The following PPM1M variants were observed in gnomAD, a reference collection of about 807,000 sequenced individuals.
The protein encoded by PPM1M is protein phosphatase 1M.
PPM1M carries 44 observed loss-of-function variants against 50.8 expected under a neutral mutation model. That is an observed-to-expected ratio of 0.87 (90% CI 0.68 to 1.11). PPM1M has a LOEUF of 1.11. PPM1M is among the 50% of genes most tolerant of loss of function. The probability of loss-of-function intolerance (pLI) is 0.00; values close to 1 mark genes in which losing one functional copy is unlikely to be tolerated. For missense variants in PPM1M, 556 were observed against 593.4 expected, an observed-to-expected ratio of 0.94 and a Z score of 0.66; for synonymous variants, 224 against 242.9, an observed-to-expected ratio of 0.92 and a Z score of 0.72.
In PPM1M at chr3:52,249,700, C is replaced by T. The variant is rs1160336935; in HGVS notation, c.1266C>T (p.His422=). The T allele has an allele frequency of 6.2e-7, 1 of 1,613,938 alleles. No individual in the cohort carries two copies. The highest frequency in any genetic ancestry group is 8.5e-7 in the Non-Finnish European group (1 of 1,179,870). The change falls in exon 10 of 10, where the codon CAC becomes CAT. Residue 422 remains histidine (H), a synonymous_variant. Coordinates refer to ENST00000323588, the MANE Select transcript of PPM1M (RefSeq NM_144641.4). Reference sequence around the variant, plus strand: ...CAAAGCTGGCCCAGATGCTGATACACAGCACACAGGGAAAGGAAGACAGTC... The same window carrying T: ...CAAAGCTGGCCCAGATGCTGATACATAGCACACAGGGAAAGGAAGACAGTC... ...RFSKLAQMLI[H]STQGKEDSLT...
rs1485938760 is a variant in PPM1M, at chr3:52,246,976, C to T, written c.345C>T (p.Phe115=). 1 of 1,539,918 alleles carries T rather than the reference C, an allele frequency of 6.5e-7. No homozygotes were observed. The highest frequency in any genetic ancestry group is 8.8e-7 in the Non-Finnish European group (1 of 1,141,656). The change falls in exon 3 of 10, where the codon TTC becomes TTT. Residue 115 remains phenylalanine, a splice_region_variant and synonymous_variant. Transcript: ENST00000323588. The part of the protein sequence containing the change: ...EEWLTLCPEE[F]LTGHYWALFD... ...GACACTGAGCCCTTCCTGTGCAGTTCCTGACAGGCCATTACTGGGCACTGT... is the reference window on the plus strand; with the variant it reads ...GACACTGAGCCCTTCCTGTGCAGTTTCTGACAGGCCATTACTGGGCACTGT...
rs761285714 is a variant in PPM1M at position 52,248,348 on chromosome 3, C to G, written c.809C>G (p.Pro270Arg). 6.2e-7 allele frequency: 1 copy of G among 1,612,706 alleles called. No individual in the cohort carries two copies. Among genetic ancestry groups the G allele is most frequent in the Admixed American group, 1.7e-5 (1 of 59,770 alleles). Residue 270 changes from proline (P) to arginine (R), a missense_variant, in exon 6 of 10, where the codon CCT becomes CGT. Transcript: ENST00000323588. ...TCCCCACCCCAGGCCTTTGTCTATC[C>G]TGAGCTTCTGGCTGGTGAGTTCACC... ...QRIQQLAFVY[P>R]ELLAGEFTRL...
intron 3 of PPM1M, 196 bp downstream of exon 3, chr3:52,247,424 T>C (rs993274952): frequency 1.2e-6 from 1 of 817,610 alleles, no homozygotes; most frequent in Non-Finnish European, 1.9e-6. Flanking sequence ...TACTGTGTGC[T>C]AACTGCTTTT....
rs1577999735 is a variant in PPM1M, at chr3:52,249,883, C to T, written c.*69C>T. 3 of 1,490,436 alleles carry T rather than the reference C, an allele frequency of 2.0e-6. No homozygotes were observed. Among genetic ancestry groups the T allele is most frequent in the Non-Finnish European group, 9.1e-7 (1 of 1,093,442 alleles). 92.3% of individuals were successfully genotyped at this position (1,490,436 alleles called of 1,614,324 possible). On this transcript the variant is annotated 3_prime_UTR_variant, in exon 10 of 10. Coordinates refer to ENST00000323588, the MANE Select transcript of PPM1M (RefSeq NM_144641.4). ...TGGTCTGGGCATCCCTCCAGTGTGA[C>T]CAAGAGCAAATCCTGCCTGCCCTAT...
At chr3:52,246,924 G>A (rs1419454581) in intron 2 of PPM1M, 50 bp from the exon 3 acceptor site, 2 of 1,522,742 alleles carry the variant, frequency 1.3e-6, no homozygotes, top group Non-Finnish European at 1.8e-6. Context: ...TGCGTCAGGG[G>A]ACAAGTGGGG....
At chr3:52,248,871 C>T (rs1265065786) in intron 7 of PPM1M, 85 bp from the exon 8 acceptor site, 2 of 1,264,852 alleles carry the variant, frequency 1.6e-6, no homozygotes, top group South Asian at 1.2e-5. Flanking sequence ...TCCACCTCTC[C>T]CTGTGTGCTC....
At chr3:52,249,478 G>A (rs1699925091) in intron 9 of PPM1M, 156 bp downstream of exon 9, 1 of 1,262,706 alleles carries the variant, frequency 7.9e-7, no homozygotes, top group Non-Finnish European at 1.1e-6. Flanking sequence ...GAGACCGTGG[G>A]TTCCGAAAAT....
rs1162142526 is a variant in PPM1M, at chr3:52,248,159, C to T, written c.717C>T (p.Ile239=). The T allele has an allele frequency of 1.2e-6, 2 of 1,611,604 alleles. No homozygotes were observed. Among genetic ancestry groups the T allele is most frequent in the Admixed American group, 1.7e-5 (1 of 59,742 alleles). ...CCTTCTCTCCTCAATCCAGGGCCAT[C>T]TTGGTGCGGAGAGATGAGATACGGC... The part of the protein sequence containing the change: ...YMANAGDSRA[I]LVRRDEIRPL... The change falls in exon 5 of 10, where the codon ATC becomes ATT. Residue 239 remains isoleucine, a synonymous_variant. Coordinates refer to ENST00000323588, the MANE Select transcript of PPM1M (RefSeq NM_144641.4).
Position 52,249,915 on chromosome 3 carries a change from C to A in PPM1M, c.*101C>A. ...CAAATCCTGCCTGCCCTATCCCTAG[C>A]CACCGCCCAGTGCTCTCACTATCCA... On this transcript the variant is annotated 3_prime_UTR_variant, in exon 10 of 10. Transcript: ENST00000323588. 9.1e-7 allele frequency: 1 copy of A among 1,101,010 alleles called. No homozygotes were observed. The highest frequency in any genetic ancestry group is 1.3e-6 in the Non-Finnish European group (1 of 761,386). 68.2% of individuals were successfully genotyped at this position (1,101,010 alleles called of 1,614,324 possible).
chr3:52,245,940 G>T lies in PPM1M; in HGVS notation c.116G>T (p.Gly39Val). The change falls in exon 1 of 10, where the codon GGC (glycine) becomes GTC (valine). Residue 39 changes from glycine (G) to valine (V), a missense_variant. Gly to Val is a moderately radical substitution (Grantham distance 109). Coordinates refer to ENST00000323588, the MANE Select transcript of PPM1M (RefSeq NM_144641.4). This position sits in a 1 kb window ranked among gnomAD's most constrained non-coding sequence, Gnocchi z 4.8. ...TACCGACGGCCCCGCTTCCTTCGCG[G>T]CTCCAGCTCCAGCCCCGGGGCGGCC... ...VPYRRPRFLRGSSSSPGAADA... is the reference protein window; with the variant it reads ...VPYRRPRFLRVSSSSPGAADA... 1 of 1,244,116 alleles carries T rather than the reference G, an allele frequency of 8.0e-7. No individual in the cohort carries two copies. The highest frequency in any genetic ancestry group is 1.0e-6 in the Non-Finnish European group (1 of 968,350). 77.1% of individuals were successfully genotyped at this position (1,244,116 alleles called of 1,614,324 possible). A position where few individuals can be genotyped will look rare whatever the true frequency, so the allele number is the denominator to read the frequency against.
At chr3:52,248,299 AAGG>A in intron 5 of PPM1M, 33 bp from the exon 6 acceptor site, 1 of 1,604,570 alleles carries the variant, frequency 6.2e-7, no homozygotes, top group Non-Finnish European at 8.5e-7. Flanking sequence ...GGGCCATAAG[AAGG>A]AGTATGACCT....
Position 52,247,748 on chromosome 3 carries a change from G to A in PPM1M, c.664G>A (p.Val222Met). The A allele has an allele frequency of 3.1e-6, 5 of 1,605,970 alleles. No homozygotes were observed. The highest frequency in any genetic ancestry group is 4.3e-6 in the Non-Finnish European group (5 of 1,176,162). ...QMGGCTALVA[V>M]SLQGKLYMAN... The stretch of plus-strand genomic sequence containing the variant: ...GGGCGGCTGCACAGCCCTGGTGGCT[G>A]TGTCCCTGCAGGGAAAGCTGTACAT... The change falls in exon 4 of 10, where the codon GTG (valine) becomes ATG (methionine). Residue 222 changes from valine (V) to methionine (M), a missense_variant. Val to Met is a conservative substitution (Grantham distance 21). Coordinates refer to ENST00000323588, the MANE Select transcript of PPM1M (RefSeq NM_144641.4).
In PPM1M at chr3:52,246,959, G is replaced by A. The variant is rs1278503265; in HGVS notation, c.343-15G>A. 2 of 1,532,182 alleles carry A rather than the reference G, an allele frequency of 1.3e-6. No individual in the cohort carries two copies. Among genetic ancestry groups the A allele is most frequent in the Non-Finnish European group, 1.8e-6 (2 of 1,136,910 alleles). The allele number at this position is 1,532,182 out of a possible 1,614,324, so 94.9% of individuals were successfully genotyped here. A position where few individuals can be genotyped will look rare whatever the true frequency, so the allele number is the denominator to read the frequency against. On this transcript the variant is annotated splice_polypyrimidine_tract_variant and intron_variant, in intron 2 of 9. Transcript: ENST00000323588. ...GAAGTCAGGCAGAGGCTGACACTGA[G>A]CCCTTCCTGTGCAGTTCCTGACAGG...
chr3:52,247,087 G>A lies in PPM1M; in HGVS notation c.456G>A (p.Val152=). The change falls in exon 3 of 10, where the codon GTG becomes GTA. Residue 152 remains valine, a synonymous_variant. Transcript: ENST00000323588. Reference sequence around the variant, plus strand: ...TGCGCCGGCAGCTGGAGGCCGTGGTGGAAGGCTTGGTGGCCACTCAGCCCC... The same window carrying A: ...TGCGCCGGCAGCTGGAGGCCGTGGTAGAAGGCTTGGTGGCCACTCAGCCCC... ...SCLRRQLEAV[V]EGLVATQPPM... 6.3e-7 allele frequency: 1 copy of A among 1,588,122 alleles called. No individual in the cohort carries two copies. The highest frequency in any genetic ancestry group is 8.6e-7 in the Non-Finnish European group (1 of 1,167,420).
chr3:52,247,035 T>C lies in PPM1M; in HGVS notation c.404T>C (p.Leu135Ser), dbSNP rs978425853. 3.2e-6 allele frequency: 5 copies of C among 1,552,450 alleles called. No individual in the cohort carries two copies. Among genetic ancestry groups the C allele is most frequent in the African/African-American group, 1.4e-5 (1 of 73,152 alleles). Residue 135 changes from leucine (L) to serine (S), a missense_variant, in exon 3 of 10, where the codon TTG (leucine) becomes TCG (serine). Transcript: ENST00000323588. ...DGHGGPAAAI[L>S]AANTLHSCLR... ...CACGGCGGTCCTGCAGCAGCCATCTTGGCTGCCAACACCCTGCACTCCTGC... is the reference window on the plus strand; with the variant it reads ...CACGGCGGTCCTGCAGCAGCCATCTCGGCTGCCAACACCCTGCACTCCTGC...
intron 7 of PPM1M, 58 bp from the exon 8 acceptor site, chr3:52,248,898 G>A (rs2107319972): frequency 7.2e-7 from 1 of 1,388,554 alleles, no homozygotes; most frequent in East Asian, 2.4e-5. Flanking sequence ...GCTAGGGCCT[G>A]GTACTTGTGC....
At position 52,245,958 on chromosome 3, in the gene PPM1M, G is replaced by T; in HGVS notation, c.134G>T (p.Gly45Val). 8.0e-7 allele frequency: 1 copy of T among 1,248,896 alleles called. No individual in the cohort carries two copies. Among genetic ancestry groups the T allele is most frequent in the South Asian group, 1.3e-5 (1 of 76,252 alleles). The allele number at this position is 1,248,896 out of a possible 1,614,324, so 77.4% of individuals were successfully genotyped here. Residue 45 changes from glycine to valine, a missense_variant, in exon 1 of 10, where the codon GGG (glycine) becomes GTG (valine). By Grantham distance (109) the Gly-to-Val change is moderately radical (BLOSUM62 -3). Coordinates refer to ENST00000323588, the MANE Select transcript of PPM1M (RefSeq NM_144641.4). This position sits in a 1 kb window ranked among gnomAD's most constrained non-coding sequence, Gnocchi z 4.8. Reference sequence around the variant, plus strand: ...CTTCGCGGCTCCAGCTCCAGCCCCGGGGCGGCCGACGCCTCGCGCCGCCCA... The same window carrying T: ...CTTCGCGGCTCCAGCTCCAGCCCCGTGGCGGCCGACGCCTCGCGCCGCCCA... The part of the protein sequence containing the change: ...RFLRGSSSSP[G>V]AADASRRPDS...
Position 52,248,948 on chromosome 3 carries a change from T to G in PPM1M, c.979-8T>G. The stretch of plus-strand genomic sequence containing the variant: ...TTTGCCATCGCCTCACACCTCACTT[T>G]CCCTCAGGCTCGGTTACTAGGAACA... On this transcript the variant is annotated splice_polypyrimidine_tract_variant and splice_region_variant and intron_variant, in intron 7 of 9. Coordinates refer to ENST00000323588, the MANE Select transcript of PPM1M (RefSeq NM_144641.4). 1 of 1,597,402 alleles carries G rather than the reference T, an allele frequency of 6.3e-7. No individual in the cohort carries two copies. Among genetic ancestry groups the G allele is most frequent in the Non-Finnish European group, 8.5e-7 (1 of 1,171,404 alleles).
Position 52,249,247 on chromosome 3 carries a change from G to A in PPM1M, c.1160G>A (p.Trp387Ter). 1 of 1,613,888 alleles carries A rather than the reference G, an allele frequency of 6.2e-7. No individual in the cohort carries two copies. The highest frequency in any genetic ancestry group is 1.1e-5 in the South Asian group (1 of 91,030). Reference sequence around the variant, plus strand: ...GTTGTCATGGCAACTGATGGACTCTGGGATGTACTGTCCAACGAGCAGGTG... The same window carrying A: ...GTTGTCATGGCAACTGATGGACTCTAGGATGTACTGTCCAACGAGCAGGTG... ...DVVVMATDGL[W>*]DVLSNEQVAW... Residue 387 changes from tryptophan to a stop codon, truncating the protein, a stop_gained, in exon 9 of 10, where the codon TGG becomes TAG. Coordinates refer to ENST00000323588, the MANE Select transcript of PPM1M (RefSeq NM_144641.4). LOFTEE classifies it high-confidence loss of function.
Sources: gnomAD v4.1 joint callset for allele counts on GRCh38, gnomAD v4.1.1 for gene constraint, Gnocchi (gnomAD v3.1) non-coding constraint, MANE v1.5 for transcripts, NCBI Gene and HGNC (gene_info 2026-07-23, HGNC 2026-07-21) for gene names.